Variants in ELAVL2 observed in about 807,000 individuals in gnomAD.
The protein encoded by ELAVL2 is ELAV like RNA binding protein 2.
ELAVL2 carries 4 observed loss-of-function variants against 34.6 expected under a neutral mutation model. The ratio of observed to expected loss-of-function variants is 0.12; its 90% CI spans 0.06 to 0.26. The LOEUF is 0.26. Among genes scored for constraint, ELAVL2 ranks in the 10% least tolerant of loss-of-function variants. The probability of loss-of-function intolerance (pLI) is 1.00; values close to 1 mark genes in which losing one functional copy is unlikely to be tolerated. For synonymous variants in ELAVL2, 193 were observed against 154.8 expected (o/e 1.25, Z -1.83); for missense variants, 432 against 442.8 (o/e 0.98, Z 0.22).
chr9:23,715,118 G>A (rs2041962468), intron 3 of ELAVL2, among the ~76,000 whole-genome samples: 1 of 152,122 alleles, frequency 6.6e-6, no homozygotes, highest in Non-Finnish European at 1.5e-5. Context: ...ACCAAGTAGG[G>A]ACTCTACTAC....
At chr9:23,737,077 C>G (rs1316346673) in intron 2 of ELAVL2, among the ~76,000 whole-genome samples, 1 of 152,164 alleles carries the variant, frequency 6.6e-6, no homozygotes, top group African/African-American at 2.4e-5. Flanking sequence ...TTATATTATT[C>G]CGTTATCTTT....
At chr9:23,721,258 G>C (rs1286756330) in intron 3 of ELAVL2, among the ~76,000 whole-genome samples, 1 of 152,136 alleles carries the variant, frequency 6.6e-6, no homozygotes, top group Admixed American at 6.5e-5. Flanking sequence ...GGCTCAACTG[G>C]GTTAGCCTCT....
At chr9:23,711,075 A>G (rs2040813177) in intron 3 of ELAVL2, among the ~76,000 whole-genome samples, 1 of 152,196 alleles carries the variant, frequency 6.6e-6, no homozygotes, top group African/African-American at 2.4e-5. Flanking sequence ...TCAATAAGGA[A>G]GGGCATATTT....
At chr9:23,820,340 A>G (rs1182606565) in intron 1 of ELAVL2, among the ~76,000 whole-genome samples, 1 of 152,204 alleles carries the variant, frequency 6.6e-6, no homozygotes, top group Non-Finnish European at 1.5e-5. Context: ...TTAAGTTTTA[A>G]AAGCGCTTTT....
intron 2 of ELAVL2, among the ~76,000 whole-genome samples, chr9:23,756,851 C>T (rs573655558): frequency 1.1e-3 from 175 of 152,270 alleles, no homozygotes; most frequent in African/African-American, 4.1e-3. Flanking sequence ...TCCTAGCTAA[C>T]GAGTACCTTC....
intron 1 of ELAVL2, among the ~76,000 whole-genome samples, chr9:23,814,195 T>C (rs552587856): frequency 2.6e-5 from 4 of 152,296 alleles, no homozygotes; most frequent in Middle Eastern, 3.4e-3. Context: ...CACAAATAAT[T>C]TGTCCACTGA....
At chr9:23,747,161 C>T (rs960285885) in intron 2 of ELAVL2, among the ~76,000 whole-genome samples, 2 of 149,804 alleles carry the variant, frequency 1.3e-5, no homozygotes, top group Non-Finnish European at 3.0e-5. Context: ...ATATACACTA[C>T]TTTTTTTTTT....
intron 3 of ELAVL2, among the ~76,000 whole-genome samples, chr9:23,714,801 C>A (rs1312257872): frequency 6.6e-6 from 1 of 151,724 alleles, no homozygotes; most frequent in African/African-American, 2.4e-5. Context: ...ATATGATTTC[C>A]CAGTTAAAAA....
At chr9:23,722,911 C>T (rs763314749) in intron 3 of ELAVL2, among the ~76,000 whole-genome samples, 14 of 152,150 alleles carry the variant, frequency 9.2e-5, no homozygotes, top group Non-Finnish European at 1.8e-4. Context: ...ATCATCTTAA[C>T]TTCACAAGCC....
intron 3 of ELAVL2, among the ~76,000 whole-genome samples, chr9:23,706,385 CATCCAATAATACCCCATTG>C (rs1401497109): frequency 6.6e-6 from 1 of 152,114 alleles, no homozygotes; most frequent in East Asian, 1.9e-4. Context: ...GAGTAAAGCC[CATCCAATAATACCCCATTG>C]ATCATGCAGA....
intron 3 of ELAVL2, among the ~76,000 whole-genome samples, chr9:23,719,015 T>C (rs2043000950): frequency 6.6e-6 from 1 of 152,164 alleles, no homozygotes; most frequent in Non-Finnish European, 1.5e-5. Flanking sequence ...AAGGAAAACA[T>C]GGACAACCTT....
At chr9:23,786,778 T>C (rs1325575964) in intron 1 of ELAVL2, among the ~76,000 whole-genome samples, 1 of 89,616 alleles carries the variant, frequency 1.1e-5, no homozygotes, top group African/African-American at 4.8e-5. Flanking sequence ...CAGATTTTAG[T>C]GGCAAAAAAA....
At chr9:23,726,067 T>C (rs1309729829) in intron 3 of ELAVL2, among the ~76,000 whole-genome samples, 5 of 151,728 alleles carry the variant, frequency 3.3e-5, no homozygotes, top group Admixed American at 6.6e-5. Flanking sequence ...GTCAAGCTCA[T>C]GCTGAACAGA....
At chr9:23,743,161 T>C (rs1180715835) in intron 2 of ELAVL2, among the ~76,000 whole-genome samples, 2 of 152,162 alleles carry the variant, frequency 1.3e-5, no homozygotes, top group Non-Finnish European at 2.9e-5. Flanking sequence ...AGAGGTACCC[T>C]GACAGAAATA....
intron 5 of ELAVL2, among the ~76,000 whole-genome samples, chr9:23,693,926 T>C (rs965370825): frequency 2.0e-5 from 3 of 152,202 alleles, no homozygotes; most frequent in Non-Finnish European, 4.4e-5. Flanking sequence ...GGCTAGTAAA[T>C]TATGGCATTG....
chr9:23,834,952 T>G, the ELAVL2 span, among the ~76,000 whole-genome samples: 1 of 152,096 alleles, frequency 6.6e-6, no homozygotes, highest in Admixed American at 6.5e-5. Context: ...CTTTTACATA[T>G]TTATCATTGT....
the ELAVL2 span, among the ~76,000 whole-genome samples, chr9:23,844,346 A>C: frequency 2.6e-5 from 4 of 152,090 alleles, no homozygotes; most frequent in Admixed American, 2.6e-4. Flanking sequence ...GCATGTAATG[A>C]TGTCTGTTGA....
At chr9:23,731,208 G>A (rs775592294) in intron 2 of ELAVL2, 83 bp from the exon 3 acceptor site, 214 of 1,111,048 alleles carry the variant, frequency 1.9e-4, no homozygotes, top group Non-Finnish European at 2.6e-4. Context: ...ATATGGTCTT[G>A]TCATTAACAC....
At chr9:23,827,937 G>C (rs2065377481), upstream of ELAVL2, among the ~76,000 whole-genome samples, 1 of 152,122 alleles carries the variant, frequency 6.6e-6, no homozygotes, top group Non-Finnish European at 1.5e-5. Flanking sequence ...CTTATAATTA[G>C]TGTTTATAAA....
Sources: gnomAD v4.1 joint callset for allele counts (sites outside exome capture counted in the v4.1 genomes callset) on GRCh38, gnomAD v4.1.1 for gene constraint, MANE v1.5 for transcripts, NCBI Gene and HGNC (gene_info 2026-07-23, HGNC 2026-07-21) for gene names.